Variants in SLC22A23 observed in about 807,000 individuals in gnomAD.
SLC22A23 encodes the protein solute carrier family 22 member 23, also known as ion transporter protein.
In SLC22A23, 26 loss-of-function variants were observed where a neutral mutation model predicts 61.0. The observed-to-expected ratio is 0.43, with a 90% CI of 0.31 to 0.59. The LOEUF (loss-of-function observed/expected upper bound fraction) is 0.59, where lower values mean the gene tolerates loss of function less well. Ranked by LOEUF, SLC22A23 falls within the 20% of genes least tolerant of loss-of-function variation. The pLI is 0.11. For missense variants in SLC22A23, 796 were observed against 934.7 expected, an observed-to-expected ratio of 0.85 and a Z score of 1.94; for synonymous variants, 430 against 413.9, an observed-to-expected ratio of 1.04 and a Z score of -0.47.
intron 3 of SLC22A23, among the ~76,000 whole-genome samples, chr6:3,404,463 A>G (rs552329722): frequency 5.6e-4 from 85 of 152,256 alleles, no homozygotes; most frequent in Admixed American, 1.5e-3. Flanking sequence ...AAATGTCTAT[A>G]GAAAGAAAAG....
chr6:3,300,171 T>A (rs1761490638), intron 4 of SLC22A23, among the ~76,000 whole-genome samples: 1 of 151,856 alleles, frequency 6.6e-6, no homozygotes, highest in Admixed American at 6.6e-5. Flanking sequence ...CCACCATGCT[T>A]GGCTAATTTT....
chr6:3,405,310 C>T (rs1431369465), intron 3 of SLC22A23, among the ~76,000 whole-genome samples: 1 of 152,046 alleles, frequency 6.6e-6, no homozygotes, highest in East Asian at 1.9e-4. Flanking sequence ...TAAACTCTGA[C>T]TCATTTCCTT....
At position 3,323,598 on chromosome 6, in the gene SLC22A23, T is replaced by C. The variant is rs1025032945; in HGVS notation, c.1082+236A>G. On this transcript the variant is annotated intron_variant, in intron 4 of 9. Transcript: ENST00000406686. ...GACTGGCCAGTGCATTTGCAGATTTTTGGAGCTGGGTGATGGGCTCATTCC... is the reference window on the plus strand; with the variant it reads ...GACTGGCCAGTGCATTTGCAGATTTCTGGAGCTGGGTGATGGGCTCATTCC... 1.2e-5 allele frequency: 7 copies of C among 581,658 alleles called. No individual in the cohort carries two copies. The East Asian group carries it at 2.1e-4, about 17-fold the overall frequency. The allele number at this position is 581,658 out of a possible 1,614,324, so 36.0% of individuals were successfully genotyped here.
intron 3 of SLC22A23, among the ~76,000 whole-genome samples, chr6:3,394,524 G>A (rs1182739156): frequency 6.6e-6 from 1 of 152,186 alleles, no homozygotes; most frequent in East Asian, 1.9e-4. Context: ...TTCCAGGGAT[G>A]CCTACTGCAT....
At chr6:3,380,590 A>G (rs1766893878) in intron 3 of SLC22A23, among the ~76,000 whole-genome samples, 1 of 151,978 alleles carries the variant, frequency 6.6e-6, no homozygotes, top group African/African-American at 2.4e-5. Context: ...AACTCTATAC[A>G]CCCAAAGTCA....
chr6:3,283,892 T>C lies in SLC22A23; in HGVS notation c.1663A>G (p.Ser555Gly). ...GTGATCTCCGCACAGAAGAACACGCTGAGGCTCCCCACCGCATGGGAGGCA... is the reference window on the plus strand; with the variant it reads ...GTGATCTCCGCACAGAAGAACACGCCGAGGCTCCCCACCGCATGGGAGGCA... ...MFASHAVGSLSVFFCAEITPT... is the reference protein window; with the variant it reads ...MFASHAVGSLGVFFCAEITPT... The change falls in exon 9 of 10, where the codon AGC (serine) becomes GGC (glycine). Residue 555 changes from serine (S) to glycine (G), a missense_variant. Transcript: ENST00000406686. The C allele has an allele frequency of 6.2e-7, 1 of 1,612,972 alleles. No individual in the cohort carries two copies. The highest frequency in any genetic ancestry group is 8.5e-7 in the Non-Finnish European group (1 of 1,179,152).
chr6:3,399,383 A>C (rs1561952513), intron 3 of SLC22A23, among the ~76,000 whole-genome samples: 1 of 152,192 alleles, frequency 6.6e-6, no homozygotes, highest in Admixed American at 6.5e-5. Flanking sequence ...TACAATAAAA[A>C]ATGAACCATG....
At chr6:3,292,536 G>A (rs1182972487) in intron 5 of SLC22A23, among the ~76,000 whole-genome samples, 4 of 152,172 alleles carry the variant, frequency 2.6e-5, no homozygotes, top group African/African-American at 9.7e-5. Flanking sequence ...TTGACTTAGA[G>A]CCATCAGAAA....
chr6:3,382,833 T>C (rs1174949417), intron 3 of SLC22A23, among the ~76,000 whole-genome samples: 1 of 152,134 alleles, frequency 6.6e-6, no homozygotes, highest in Non-Finnish European at 1.5e-5. Context: ...AGGGAAGGTG[T>C]AGGGAGGAAA....
At chr6:3,405,609 CTCAG>C (rs1365792804) in intron 3 of SLC22A23, among the ~76,000 whole-genome samples, 3 of 147,428 alleles carry the variant, frequency 2.0e-5, no homozygotes, top group South Asian at 4.3e-4. Context: ...AGCCATTTGG[CTCAG>C]TCAAATTTTT....
intron 3 of SLC22A23, among the ~76,000 whole-genome samples, chr6:3,402,492 A>T (rs1768483483): frequency 6.6e-6 from 1 of 151,772 alleles, no homozygotes; most frequent in South Asian, 2.1e-4. Context: ...CCCAGAGTGC[A>T]CTAGGCCCCA....
chr6:3,445,019 G>A, intron 1 of SLC22A23: 1 of 977,418 alleles, frequency 1.0e-6, no homozygotes, highest in Non-Finnish European at 1.2e-6. Context: ...TGTTTGCCAG[G>A]TACGTGGGGG....
Position 3,322,548 on chromosome 6 carries a change from G to A in SLC22A23, c.1082+1286C>T, listed in dbSNP as rs1030872046. On this transcript the variant is annotated intron_variant, in intron 4 of 9. Transcript: ENST00000406686. This position sits in a 1 kb window ranked among gnomAD's most constrained non-coding sequence, Gnocchi z 4.1. ...CGGCCCCAGGAGAGGAGCTCAGTTC[G>A]GGCAGCGGTGGCTGCTGAGTGGCCT... Among the ~76,000 whole-genome samples, 8 of 152,184 alleles carry A rather than the reference G, an allele frequency of 5.3e-5. No individual in the cohort carries two copies. The highest frequency in any genetic ancestry group is 1.2e-4 in the Non-Finnish European group (8 of 68,040).
rs1561933948 is a variant in SLC22A23, at chr6:3,372,911, AG to A, written c.913+37276del. Among the ~76,000 whole-genome samples, 1 of 152,218 alleles carries A rather than the reference AG, an allele frequency of 6.6e-6. No individual in the cohort carries two copies. The highest frequency in any genetic ancestry group is 1.5e-5 in the Non-Finnish European group (1 of 68,028). ...TTCCGTAAAACTCCAATTAGCCAAA[AG>A]CTTGCCCAGTCCGTGCCTTCAGCCT... On this transcript the variant is annotated intron_variant, in intron 3 of 9. Transcript: ENST00000406686. The surrounding 1 kb of genome is among the most constrained non-coding windows in gnomAD (Gnocchi z 4.7).
chr6:3,386,409 G>T lies in SLC22A23; in HGVS notation c.913+23779C>A, dbSNP rs1767310602. 6.6e-6 allele frequency among the ~76,000 whole-genome samples: 1 copy of T among 152,194 alleles called. No homozygotes were observed. The highest frequency in any genetic ancestry group is 1.5e-5 in the Non-Finnish European group (1 of 68,030). ...CGCCACACGCACAACCAGCCCTGGG[G>T]TCCCTGGATGTGGCACCAGGAGTTG... On this transcript the variant is annotated intron_variant, in intron 3 of 9. Transcript: ENST00000406686. The surrounding 1 kb of genome is among the most constrained non-coding windows in gnomAD (Gnocchi z 4.4).
rs534120759 is a variant in SLC22A23 at position 3,352,060 on chromosome 6, C to T, written c.914-28058G>A. On this transcript the variant is annotated intron_variant, in intron 3 of 9. Transcript: ENST00000406686. ...AAGGCGAAAGCACTCCATGGCCTCC[C>T]CTCCCCAGGCAGGGCTGCTGGAGTG... Among the ~76,000 whole-genome samples, 3 of 152,310 alleles carry T rather than the reference C, an allele frequency of 2.0e-5. No individual in the cohort carries two copies. In the East Asian group the frequency reaches 5.8e-4, roughly 29 times the overall value.
At chr6:3,285,649 G>A (rs564448322) in intron 7 of SLC22A23, among the ~76,000 whole-genome samples, 122 of 152,334 alleles carry the variant, frequency 8.0e-4, no homozygotes, top group Admixed American at 1.8e-3. Context: ...AACGGGGATG[G>A]AGGGAGACAG....
chr6:3,386,720 C>T lies in SLC22A23; in HGVS notation c.913+23468G>A, dbSNP rs1030232727. On this transcript the variant is annotated intron_variant, in intron 3 of 9. Coordinates refer to ENST00000406686, the MANE Select transcript of SLC22A23 (RefSeq NM_015482.2). This position sits in a 1 kb window ranked among gnomAD's most constrained non-coding sequence, Gnocchi z 4.4. ...GGGGACCTGCCCCAGGGTCACCCAGCGTGGGAGGGGTGGAGGCGGCAGTGG... is the reference window on the plus strand; with the variant it reads ...GGGGACCTGCCCCAGGGTCACCCAGTGTGGGAGGGGTGGAGGCGGCAGTGG... Among the ~76,000 whole-genome samples, 2 of 152,188 alleles carry T rather than the reference C, an allele frequency of 1.3e-5. No homozygotes were observed. Among genetic ancestry groups the T allele is most frequent in the African/African-American group, 4.8e-5 (2 of 41,454 alleles).
In SLC22A23 at chr6:3,441,713, C is replaced by G. The variant is rs570622827; in HGVS notation, c.654+14193G>C. On this transcript the variant is annotated intron_variant, in intron 1 of 9. Transcript: ENST00000406686. ...CCTGGGATGTGCTCGGTTCACCCCC[C>G]ACCCTCAGCTCCCATTCCCTGCCCC... 6.6e-5 allele frequency among the ~76,000 whole-genome samples: 10 copies of G among 152,310 alleles called. No homozygotes were observed. In the East Asian group the frequency reaches 7.7e-4, roughly 12 times the overall value.
Sources: gnomAD v4.1 joint callset for allele counts (sites outside exome capture counted in the v4.1 genomes callset) on GRCh38, gnomAD v4.1.1 for gene constraint, Gnocchi (gnomAD v3.1) non-coding constraint, MANE v1.5 for transcripts, NCBI Gene and HGNC (gene_info 2026-07-23, HGNC 2026-07-21) for gene names.